Variants in VWC2L observed in about 807,000 individuals in gnomAD.
VWC2L encodes von Willebrand factor C domain-containing protein 2-like.
A neutral mutation model predicts 21.6 loss-of-function variants in VWC2L; 10 were observed. The observed-to-expected ratio is 0.46, with a 90% CI of 0.29 to 0.78. The LOEUF is 0.78. VWC2L is among the 30% of genes least tolerant of loss of function. The pLI is 0.10. For synonymous variants in VWC2L, 96 were observed against 94.3 expected, an observed-to-expected ratio of 1.02 and a Z score of -0.10; for missense variants, 209 against 277.1, an observed-to-expected ratio of 0.75 and a Z score of 1.74.
At chr2:214,448,457 C>G (rs1702905289) in intron 3 of VWC2L, among the ~76,000 whole-genome samples, 1 of 152,132 alleles carries the variant, frequency 6.6e-6, no homozygotes, top group Admixed American at 6.6e-5. Context: ...CAGAAGATTA[C>G]TTTTATAATT....
chr2:214,511,819 C>T (rs933094274), intron 3 of VWC2L, among the ~76,000 whole-genome samples: 4 of 141,580 alleles, frequency 2.8e-5, no homozygotes, highest in African/African-American at 1.0e-4. Context: ...AATAGTTACA[C>T]AACACACTAT....
At chr2:214,555,063 C>CTACA (rs1689854150) in intron 3 of VWC2L, among the ~76,000 whole-genome samples, 1 of 152,168 alleles carries the variant, frequency 6.6e-6, no homozygotes, top group Non-Finnish European at 1.5e-5. Context: ...GAAGTTTTAG[C>CTACA]TACATAACAA....
chr2:214,440,526 G>A lies in VWC2L; in HGVS notation c.520+3768G>A, dbSNP rs532413968. On this transcript the variant is annotated intron_variant, in intron 3 of 3. Transcript: ENST00000312504. ...GGTATGAAAAAAATAATTTAGCACA[G>A]CATCTGTTTAAAGAAAACATTATGG... Among the ~76,000 whole-genome samples, 9 of 152,008 alleles carry A rather than the reference G, an allele frequency of 5.9e-5. No individual in the cohort carries two copies. In the East Asian group the frequency reaches 1.5e-3, roughly 26 times the overall value.
chr2:214,539,332 T>C (rs1306741233), intron 3 of VWC2L, among the ~76,000 whole-genome samples: 1 of 152,180 alleles, frequency 6.6e-6, no homozygotes, highest in Non-Finnish European at 1.5e-5. Context: ...ATAACACTTT[T>C]CACGATTTCA....
chr2:214,518,951 T>A (rs1245921910), intron 3 of VWC2L, among the ~76,000 whole-genome samples: 2 of 152,214 alleles, frequency 1.3e-5, no homozygotes, highest in Middle Eastern at 3.2e-3. Context: ...ATATTTGATC[T>A]TACTAGAAGG....
intron 3 of VWC2L, among the ~76,000 whole-genome samples, chr2:214,563,927 A>G (rs1475716059): frequency 1.3e-5 from 2 of 152,286 alleles, no homozygotes; most frequent in Middle Eastern, 3.4e-3. Context: ...ACATGATCCT[A>G]TATCTAAGAA....
intron 3 of VWC2L, among the ~76,000 whole-genome samples, chr2:214,441,413 A>G (rs1702761672): frequency 6.6e-6 from 1 of 152,082 alleles, no homozygotes; most frequent in African/African-American, 2.4e-5. Flanking sequence ...TATAAAAAAT[A>G]TATAATAATC....
At position 214,578,377 on chromosome 2, in the gene VWC2L, T is replaced by C. The variant is rs1690266123; in HGVS notation, c.*2557T>C. On this transcript the variant is annotated 3_prime_UTR_variant, in exon 4 of 4. Coordinates refer to ENST00000312504, the MANE Select transcript of VWC2L (RefSeq NM_001080500.4). The stretch of plus-strand genomic sequence containing the variant: ...CCATTAAGGATCTCTCTTCAGAGAG[T>C]TTGCAGAAAGCAGGCTGTTCTGTGG... 6.6e-6 allele frequency: 1 copy of C among 152,126 alleles called. No homozygotes were observed. Among genetic ancestry groups the C allele is most frequent in the Admixed American group, 6.5e-5 (1 of 15,270 alleles). The allele number at this position is 152,126 out of a possible 1,614,324, so 9.4% of individuals were successfully genotyped here. A position where few individuals can be genotyped will look rare whatever the true frequency, so the allele number is the denominator to read the frequency against.
At chr2:214,561,068 T>G (rs990741535) in intron 3 of VWC2L, among the ~76,000 whole-genome samples, 2 of 152,238 alleles carry the variant, frequency 1.3e-5, no homozygotes, top group East Asian at 3.8e-4. Context: ...GGCACTGCCT[T>G]ATTCTAAAGC....
intron 3 of VWC2L, among the ~76,000 whole-genome samples, chr2:214,564,089 T>A (rs1043543891): frequency 6.6e-6 from 1 of 151,938 alleles, no homozygotes; most frequent in Admixed American, 6.5e-5. Context: ...GAGAATAAAA[T>A]ACCTAGAAAT....
intron 3 of VWC2L, among the ~76,000 whole-genome samples, chr2:214,442,342 T>G (rs886954148): frequency 6.6e-6 from 1 of 152,214 alleles, no homozygotes; most frequent in Non-Finnish European, 1.5e-5. Flanking sequence ...CTAAAGTCTT[T>G]AAAACATTAA....
At chr2:214,507,632 C>G (rs1185036933) in intron 3 of VWC2L, among the ~76,000 whole-genome samples, 1 of 152,140 alleles carries the variant, frequency 6.6e-6, no homozygotes, top group Non-Finnish European at 1.5e-5. Flanking sequence ...ATGTACCATG[C>G]TGGCACCCTA....
chr2:214,469,911 G>A (rs1406437192), intron 3 of VWC2L, among the ~76,000 whole-genome samples: 1 of 152,120 alleles, frequency 6.6e-6, no homozygotes, highest in Non-Finnish European at 1.5e-5. Context: ...GAATGGTGAT[G>A]GAAATTATTT....
intron 3 of VWC2L, among the ~76,000 whole-genome samples, chr2:214,439,705 T>G (rs1702735841): frequency 6.6e-6 from 1 of 151,900 alleles, no homozygotes; most frequent in African/African-American, 2.4e-5. Flanking sequence ...AAATATGATT[T>G]AAACTTTATA....
At chr2:214,529,119 C>G (rs1350347126) in intron 3 of VWC2L, among the ~76,000 whole-genome samples, 1 of 152,152 alleles carries the variant, frequency 6.6e-6, no homozygotes, top group Non-Finnish European at 1.5e-5. Flanking sequence ...AAACCAGGAT[C>G]TGAAACCAAA....
chr2:214,501,195 A>G (rs1489428578), intron 3 of VWC2L, among the ~76,000 whole-genome samples: 1 of 152,164 alleles, frequency 6.6e-6, no homozygotes, highest in East Asian at 1.9e-4. Flanking sequence ...CCAAGCGGCA[A>G]ACATATTCAG....
intron 3 of VWC2L, among the ~76,000 whole-genome samples, chr2:214,442,880 C>T (rs1473856030): frequency 6.6e-6 from 1 of 151,990 alleles, no homozygotes; most frequent in Non-Finnish European, 1.5e-5. Flanking sequence ...TGATCTAAAT[C>T]CCTGAGTTCT....
At chr2:214,443,932 C>G (rs1433504753) in intron 3 of VWC2L, among the ~76,000 whole-genome samples, 1 of 151,722 alleles carries the variant, frequency 6.6e-6, no homozygotes. Context: ...TCTTGAAAGC[C>G]CCAAGAAAAT....
At chr2:214,435,672 A>G (rs544009197) in intron 2 of VWC2L, among the ~76,000 whole-genome samples, 59 of 152,270 alleles carry the variant, frequency 3.9e-4, no homozygotes, top group Non-Finnish European at 6.2e-4. Context: ...AGAGCTTTCT[A>G]AGAACAAATG....
Sources: allele counts gnomAD v4.1 joint callset (sites outside exome capture counted in the v4.1 genomes callset), GRCh38; gene constraint gnomAD v4.1.1; transcripts MANE v1.5; gene names NCBI Gene and HGNC (gene_info 2026-07-23, HGNC 2026-07-21).